The following TRPA1 variants were observed in gnomAD, a reference collection of about 807,000 sequenced individuals.
TRPA1 encodes the protein transient receptor potential cation channel subfamily A member 1.
A neutral mutation model predicts 131.3 loss-of-function variants in TRPA1; 129 were observed. The ratio of observed to expected loss-of-function variants is 0.98; its 90% CI spans 0.85 to 1.14. The LOEUF (loss-of-function observed/expected upper bound fraction) is 1.14. TRPA1 is among the 50% of genes most tolerant of loss of function. The pLI is 0.00. For synonymous variants in TRPA1, 441 were observed against 451.7 expected, an observed-to-expected ratio of 0.98 and a Z score of 0.30; for missense variants, 1,304 against 1,354.2, an observed-to-expected ratio of 0.96 and a Z score of 0.58.
Position 72,061,779 on chromosome 8 carries a change from G to A in TRPA1, c.808-18C>T. ...CTTCCCTTCTGTAAAGGGTTTTAAT[G>A]CTAGAATCAATGTTTAAATCTCAAT... On this transcript the variant is annotated intron_variant, in intron 6 of 26. Coordinates refer to ENST00000262209, the MANE Select transcript of TRPA1 (RefSeq NM_007332.3). 1 of 1,613,246 alleles carries A rather than the reference G, an allele frequency of 6.2e-7. No homozygotes were observed. The highest frequency in any genetic ancestry group is 8.5e-7 in the Non-Finnish European group (1 of 1,179,356).
At chr8:72,036,960 C>T (rs1183384952) in intron 20 of TRPA1, among the ~76,000 whole-genome samples, 3 of 152,014 alleles carry the variant, frequency 2.0e-5, no homozygotes, top group Non-Finnish European at 2.9e-5. Flanking sequence ...TAGAGTAGGC[C>T]ACTTAAATAT....
At position 72,024,500 on chromosome 8, in the gene TRPA1, A is replaced by G. The variant is rs536103274; in HGVS notation, c.3052-589T>C. ...CCAGGAAGTCAAATGGACCAGACTG[A>G]GGGGAGAATGAAAGGGAGGGGACAG... On this transcript the variant is annotated intron_variant, in intron 25 of 26. Coordinates refer to ENST00000262209, the MANE Select transcript of TRPA1 (RefSeq NM_007332.3). Among the ~76,000 whole-genome samples the G allele has an allele frequency of 5.9e-5, 9 of 152,250 alleles. No individual in the cohort carries two copies. In the South Asian group the frequency reaches 1.9e-3, roughly 32 times the overall value.
Position 72,033,582 on chromosome 8 carries a change from A to C in TRPA1, c.2868+62T>G, listed in dbSNP as rs1811913608. 2.1e-6 allele frequency: 3 copies of C among 1,454,844 alleles called. No individual in the cohort carries two copies. The African/African-American group carries it at 4.3e-5, about 21-fold the overall frequency. 90.1% of individuals were successfully genotyped at this position (1,454,844 alleles called of 1,614,324 possible). A position where few individuals can be genotyped will look rare whatever the true frequency, so the allele number is the denominator to read the frequency against. ...AGGAAGATTAAAGAAGTTAAAAATG[A>C]TTATCATTATAAAATGTTTCAAATG... On this transcript the variant is annotated intron_variant, in intron 23 of 26. Coordinates refer to ENST00000262209, the MANE Select transcript of TRPA1 (RefSeq NM_007332.3).
At chr8:72,045,615 T>C (rs766164532) in intron 17 of TRPA1, among the ~76,000 whole-genome samples, 5 of 150,092 alleles carry the variant, frequency 3.3e-5, no homozygotes, top group Non-Finnish European at 5.9e-5. Context: ...TCCTCAAATA[T>C]GTTTTGTTTT....
At chr8:72,077,414 ATTC>A (rs1275480858), upstream of TRPA1, among the ~76,000 whole-genome samples, 3 of 152,082 alleles carry the variant, frequency 2.0e-5, no homozygotes, top group Admixed American at 1.3e-4. Flanking sequence ...TGGAGTCTGC[ATTC>A]TTGCTTCTCT....
chr8:72,054,574 A>C (rs1366654970), intron 12 of TRPA1: 1 of 152,430 alleles, frequency 6.6e-6, no homozygotes, highest in Non-Finnish European at 1.5e-5. Flanking sequence ...TGCAAGAGCC[A>C]TGTTGCTATT....
In TRPA1 at chr8:72,021,495, T is replaced by C. The variant is rs191127677; in HGVS notation, c.*1411A>G. 24 of 152,348 alleles carry C rather than the reference T, an allele frequency of 1.6e-4. No individual in the cohort carries two copies. In the East Asian group the frequency reaches 4.6e-3, roughly 29 times the overall value. 9.4% of individuals were successfully genotyped at this position (152,348 alleles called of 1,614,324 possible). A position where few individuals can be genotyped will look rare whatever the true frequency, so the allele number is the denominator to read the frequency against. ...ATATAAAGAACAAAGATATTATTCA[T>C]ATCAAAGATTAAGGTATATGCAACA... On this transcript the variant is annotated 3_prime_UTR_variant, in exon 27 of 27. Transcript: ENST00000262209.
chr8:72,043,960 C>T lies in TRPA1; in HGVS notation c.2061+2553G>A, dbSNP rs79381144. Among the ~76,000 whole-genome samples, 98 of 151,794 alleles carry T rather than the reference C, an allele frequency of 6.5e-4. 3 individuals are homozygous for T. In the East Asian group the frequency reaches 0.016, roughly 25 times the overall value. On this transcript the variant is annotated intron_variant, in intron 17 of 26. Transcript: ENST00000262209. ...TTAGGAACCTTCATTTTAACAAGAA[C>T]CACAATAATTCTGATTCAAGCAGCC...
intron 15 of TRPA1, 35 bp downstream of exon 15, chr8:72,050,743 T>A: frequency 2.2e-6 from 3 of 1,384,802 alleles, no homozygotes; most frequent in Non-Finnish European, 3.1e-6. Context: ...ATGTCAAGCA[T>A]AAACCCGGGA....
rs1342965454 is a variant in TRPA1 at position 72,045,375 on chromosome 8, G to A, written c.2061+1138C>T. Among the ~76,000 whole-genome samples, 3 of 151,634 alleles carry A rather than the reference G, an allele frequency of 2.0e-5. No individual in the cohort carries two copies. The Admixed American group carries it at 2.0e-4, about 10-fold the overall frequency. ...AAATTCTTCATTGGCCTAGAGCAGT[G>A]TCGTCTAATAGAACTTTCTGCAATG... On this transcript the variant is annotated intron_variant, in intron 17 of 26. Coordinates refer to ENST00000262209, the MANE Select transcript of TRPA1 (RefSeq NM_007332.3).
chr8:72,023,981 A>C, intron 25 of TRPA1, 70 bp from the exon 26 acceptor site: 1 of 1,001,996 alleles, frequency 1.0e-6, no homozygotes, highest in African/African-American at 1.6e-5. Context: ...GCATGTGCCA[A>C]AATTCAACCA....
chr8:72,034,191 A>G (rs886183056), intron 22 of TRPA1, 57 bp downstream of exon 22: 35 of 1,451,190 alleles, frequency 2.4e-5, no homozygotes, highest in Non-Finnish European at 3.0e-5. Flanking sequence ...TTTAAATATA[A>G]ATATATATTT....
At chr8:72,059,009 C>T (rs1430809502) in intron 8 of TRPA1, among the ~76,000 whole-genome samples, 1 of 152,148 alleles carries the variant, frequency 6.6e-6, no homozygotes, top group Non-Finnish European at 1.5e-5. Flanking sequence ...GGAGTTTCCC[C>T]CCGTGCTGCC....
intron 17 of TRPA1, among the ~76,000 whole-genome samples, chr8:72,040,747 C>G (rs555156848): frequency 5.9e-5 from 9 of 152,208 alleles, no homozygotes; most frequent in African/African-American, 1.7e-4. Flanking sequence ...TGTCAACAGA[C>G]AGATCCTAGG....
chr8:72,053,024 AG>A, intron 13 of TRPA1: 1 of 388,372 alleles, frequency 2.6e-6, no homozygotes, highest in East Asian at 5.6e-5. Context: ...AGAGAGAGAG[AG>A]AGAGAGAGAG....
chr8:72,082,778 T>G, the TRPA1 span, among the ~76,000 whole-genome samples: 1 of 152,082 alleles, frequency 6.6e-6, no homozygotes, highest in Non-Finnish European at 1.5e-5. Flanking sequence ...ATCCATGTAT[T>G]GACATCTTTG....
chr8:72,060,762 AAG>A (rs1350740656), intron 7 of TRPA1, among the ~76,000 whole-genome samples: 1 of 151,994 alleles, frequency 6.6e-6, no homozygotes, highest in Admixed American at 6.6e-5. Flanking sequence ...AATTCATTCT[AAG>A]AGGGAGTTCC....
chr8:72,088,033 C>G, the TRPA1 span, among the ~76,000 whole-genome samples: 29 of 152,328 alleles, frequency 1.9e-4, no homozygotes, highest in East Asian at 5.6e-3. Flanking sequence ...TGGGCAGACA[C>G]TTTTGCTGCC....
intron 20 of TRPA1, among the ~76,000 whole-genome samples, chr8:72,036,992 A>G (rs1812074434): frequency 6.6e-6 from 1 of 152,194 alleles, no homozygotes; most frequent in Non-Finnish European, 1.5e-5. Context: ...TGTGGAGATC[A>G]AATCTGATAG....
Sources: gnomAD v4.1 joint callset for allele counts (sites outside exome capture counted in the v4.1 genomes callset) on GRCh38, gnomAD v4.1.1 for gene constraint, MANE v1.5 for transcripts, NCBI Gene and HGNC (gene_info 2026-07-23, HGNC 2026-07-21) for gene names.